ATG10: variants seen among roughly 807,000 people sequenced by gnomAD.
The protein encoded by ATG10 is ubiquitin-like-conjugating enzyme ATG10.
Under a neutral mutation model 32.1 loss-of-function variants are expected in ATG10, and 30 were observed. That is an observed-to-expected ratio of 0.94 (90% CI 0.70 to 1.27). The LOEUF is 1.27. Among genes scored for constraint, ATG10 ranks in the 50% most tolerant of loss-of-function variants. The pLI is 0.00. For synonymous variants in ATG10, 87 were observed against 91.5 expected (o/e 0.95, Z 0.28); for missense variants, 233 against 262.3 (o/e 0.89, Z 0.77).
intron 2 of ATG10, among the ~76,000 whole-genome samples, chr5:82,013,181 T>C (rs977418678): frequency 6.6e-6 from 1 of 152,138 alleles, no homozygotes; most frequent in Non-Finnish European, 1.5e-5. Flanking sequence ...CAGGCTGGTC[T>C]TGGGTGTGAT....
intron 2 of ATG10, among the ~76,000 whole-genome samples, chr5:82,004,245 G>A (rs1285570748): frequency 6.6e-6 from 1 of 152,154 alleles, no homozygotes; most frequent in African/African-American, 2.4e-5. Context: ...AAAGGTTGAG[G>A]GGGAATTTAC....
chr5:82,218,555 G>C (rs1488343668), intron 5 of ATG10, among the ~76,000 whole-genome samples: 3 of 152,106 alleles, frequency 2.0e-5, no homozygotes, highest in African/African-American at 4.8e-5. Context: ...TTACTAGCCA[G>C]ATCTGGGGCT....
At chr5:82,073,199 A>G (rs990416194) in intron 3 of ATG10, 1 of 152,210 alleles carries the variant, frequency 6.6e-6, no homozygotes, top group Non-Finnish European at 1.5e-5. Flanking sequence ...CCACACATGC[A>G]TACCTGAAAC....
intron 3 of ATG10, among the ~76,000 whole-genome samples, chr5:82,064,773 G>C (rs1394202560): frequency 4.6e-5 from 7 of 152,048 alleles, no homozygotes; most frequent in African/African-American, 1.7e-4. Context: ...GATAAAAACA[G>C]TTATAATAAT....
chr5:82,174,625 G>A (rs891747073), intron 4 of ATG10, among the ~76,000 whole-genome samples: 1 of 152,124 alleles, frequency 6.6e-6, no homozygotes, highest in South Asian at 2.1e-4. Context: ...TGGCTCTGAA[G>A]GCAGTTCAAA....
chr5:82,090,027 CAAT>C (rs1305113731), intron 3 of ATG10, among the ~76,000 whole-genome samples: 3 of 149,720 alleles, frequency 2.0e-5, no homozygotes, highest in African/African-American at 7.4e-5. Flanking sequence ...ATTAAAACAA[CAAT>C]GAGATATCAC....
chr5:82,177,302 A>G (rs1227065283), intron 4 of ATG10, among the ~76,000 whole-genome samples: 1 of 152,144 alleles, frequency 6.6e-6, no homozygotes, highest in Admixed American at 6.6e-5. Flanking sequence ...CTTAGTCCAG[A>G]TTCCAAATCT....
intron 3 of ATG10, among the ~76,000 whole-genome samples, chr5:82,083,058 G>C (rs1764539857): frequency 6.6e-6 from 1 of 152,210 alleles, no homozygotes; most frequent in Non-Finnish European, 1.5e-5. Context: ...AAGCACAAGG[G>C]GTTGGGGAAT....
intron 3 of ATG10, among the ~76,000 whole-genome samples, chr5:82,071,537 G>T (rs1253163253): frequency 1.3e-5 from 2 of 152,058 alleles, no homozygotes; most frequent in Non-Finnish European, 1.5e-5. Flanking sequence ...CTTTGATCAC[G>T]CAGGGTATTG....
rs544638604 is a variant in ATG10, at chr5:82,037,079, C to T, written c.109-21416C>T. Among the ~76,000 whole-genome samples, 14 of 123,404 alleles carry T rather than the reference C, an allele frequency of 1.1e-4. No homozygotes were observed. The South Asian group carries it at 3.0e-3, about 26-fold the overall frequency. 81.0% of individuals were successfully genotyped at this position (123,404 alleles called of 152,430 possible). Reference sequence around the variant, plus strand: ...CAGGGAGTCGGAGGTTCCAGTGAGCCGAGATCATGTCACTGCACTCCAGCC... The same window carrying T: ...CAGGGAGTCGGAGGTTCCAGTGAGCTGAGATCATGTCACTGCACTCCAGCC... On this transcript the variant is annotated intron_variant, in intron 2 of 7. Coordinates refer to ENST00000282185, the MANE Select transcript of ATG10 (RefSeq NM_031482.5).
chr5:82,169,045 G>T (rs1743694909), intron 4 of ATG10, among the ~76,000 whole-genome samples: 1 of 152,174 alleles, frequency 6.6e-6, no homozygotes, highest in Non-Finnish European at 1.5e-5. Context: ...AAGCTATGGG[G>T]GCTGGAGGGC....
At chr5:82,249,638 G>A (rs1434764347) in intron 5 of ATG10, among the ~76,000 whole-genome samples, 2 of 152,184 alleles carry the variant, frequency 1.3e-5, no homozygotes, top group East Asian at 1.9e-4. Context: ...AAACAGAGAC[G>A]TAAAATGGTT....
rs921490586 is a variant in ATG10 at position 82,058,495 on chromosome 5, G to A, written c.109G>A (p.Asp37Asn). The A allele has an allele frequency of 6.2e-7, 1 of 1,609,018 alleles. No homozygotes were observed. The highest frequency in any genetic ancestry group is 8.5e-7 in the Non-Finnish European group (1 of 1,175,906). The change falls in exon 3 of 8, where the codon GAC becomes AAC. Residue 37 changes from aspartate to asparagine, a missense_variant and splice_region_variant. Physicochemically the swap from Asp to Asn is conservative, Grantham distance 23. Transcript: ENST00000282185. ...TATATTTTTTGGTGATGAAACACAGGACTGTTCTGATGGCTACATGTGCAA... is the reference window on the plus strand; with the variant it reads ...TATATTTTTTGGTGATGAAACACAGAACTGTTCTGATGGCTACATGTGCAA... ...GDSWEWRPSKDCSDGYMCKIH... is the reference protein window; with the variant it reads ...GDSWEWRPSKNCSDGYMCKIH...
chr5:82,238,337 C>T (rs564515556), intron 5 of ATG10, among the ~76,000 whole-genome samples: 55 of 151,576 alleles, frequency 3.6e-4, no homozygotes, highest in African/African-American at 1.3e-3. Context: ...CCTATTACCA[C>T]GCCCCACCCA....
intron 2 of ATG10, among the ~76,000 whole-genome samples, chr5:82,018,416 C>G (rs1287879472): frequency 6.6e-6 from 1 of 152,194 alleles, no homozygotes; most frequent in Non-Finnish European, 1.5e-5. Flanking sequence ...AATGATCTGA[C>G]TGTTTTCACT....
chr5:82,141,562 T>C (rs976190458), intron 3 of ATG10, among the ~76,000 whole-genome samples: 2 of 151,796 alleles, frequency 1.3e-5, no homozygotes, highest in South Asian at 2.1e-4. Context: ...TCAGTCATAA[T>C]ATACCCAGAA....
In ATG10 at chr5:82,238,153, C is replaced by T. The variant is rs116143509; in HGVS notation, c.454-14409C>T. ...TGGCCCTCAGGCACCTCAGATTGTC[C>T]TTGGAACACCCTCCACCTTATAGCA... On this transcript the variant is annotated intron_variant, in intron 5 of 7. Transcript: ENST00000282185. 7.5e-3 allele frequency among the ~76,000 whole-genome samples: 1,146 copies of T among 152,246 alleles called. 12 individuals carry two copies. The highest frequency in any genetic ancestry group is 0.026 in the African/African-American group (1,068 of 41,536).
In ATG10 at chr5:82,006,978, C is replaced by T. The variant is rs1051448757; in HGVS notation, c.108+19300C>T. ...AAGTGATTCTCCTGCCTCAGCCTCC[C>T]GAGTAGCTGGGGCTACAGGTGCGTG... On this transcript the variant is annotated intron_variant, in intron 2 of 7. Coordinates refer to ENST00000282185, the MANE Select transcript of ATG10 (RefSeq NM_031482.5). 4.9e-4 allele frequency among the ~76,000 whole-genome samples: 75 copies of T among 152,186 alleles called. 1 individual carries two copies. Among genetic ancestry groups the T allele is most frequent in the Admixed American group, 4.6e-3 (70 of 15,280 alleles).
chr5:82,035,386 A>G (rs964199590), intron 2 of ATG10, among the ~76,000 whole-genome samples: 27 of 152,318 alleles, frequency 1.8e-4, no homozygotes, highest in African/African-American at 5.8e-4. Flanking sequence ...AGCACATTGC[A>G]TGAAGTAAGT....
Sources: gnomAD v4.1 joint callset for allele counts (sites outside exome capture counted in the v4.1 genomes callset) on GRCh38, gnomAD v4.1.1 for gene constraint, MANE v1.5 for transcripts, NCBI Gene and HGNC (gene_info 2026-07-23, HGNC 2026-07-21) for gene names.